MDFIC: variants seen among roughly 807,000 people sequenced by gnomAD.
The protein encoded by MDFIC is MyoD family inhibitor domain containing.
Under a neutral mutation model 23.2 loss-of-function variants are expected in MDFIC, and 17 were observed. The observed-to-expected ratio is 0.73, with a 90% CI of 0.50 to 1.10. The LOEUF (loss-of-function observed/expected upper bound fraction) is 1.10. Among genes scored for constraint, MDFIC ranks in the 50% least tolerant of loss-of-function variants. The probability of loss-of-function intolerance (pLI) is 0.00; values close to 1 mark genes in which losing one functional copy is unlikely to be tolerated. For synonymous variants in MDFIC, 120 were observed against 115.2 expected (o/e 1.04, Z -0.27); for missense variants, 356 against 316.6 (o/e 1.12, Z -0.95).
At chr7:114,955,387 C>G (rs994792900) in intron 3 of MDFIC, among the ~76,000 whole-genome samples, 2 of 152,216 alleles carry the variant, frequency 1.3e-5, no homozygotes, top group South Asian at 2.1e-4. Context: ...CTCTCCACGT[C>G]TCCCGCCCAA....
chr7:114,922,760 C>A, intron 1 of MDFIC, 124 bp downstream of exon 1: 1 of 1,264,578 alleles, frequency 7.9e-7, no homozygotes, highest in Non-Finnish European at 1.0e-6. Flanking sequence ...TGGGACCCCG[C>A]CGCTGTCAAC....
Position 115,016,297 on chromosome 7 carries a change from A to G in MDFIC, c.*362A>G. On this transcript the variant is annotated 3_prime_UTR_variant, in exon 5 of 5. Transcript: ENST00000393486. ...ATATTATTTTTCAGTGTGTATTTAA[A>G]CGAGGCAGTTTATTTTGATATGTAT... is the stretch of plus-strand genomic sequence containing the variant. The G allele has an allele frequency of 4.4e-6, 1 of 228,020 alleles. No homozygotes were observed. The highest frequency in any genetic ancestry group is 8.7e-6 in the Non-Finnish European group (1 of 114,578). The allele number at this position is 228,020 out of a possible 1,614,324, so 14.1% of individuals were successfully genotyped here. A position where few individuals can be genotyped will look rare whatever the true frequency, so the allele number is the denominator to read the frequency against.
intron 3 of MDFIC, among the ~76,000 whole-genome samples, chr7:114,979,006 GA>G (rs1793368407): frequency 6.6e-6 from 1 of 152,012 alleles, no homozygotes; most frequent in South Asian, 2.1e-4. Flanking sequence ...TTCACAATGG[GA>G]TTTTTTTTAA....
At position 114,960,507 on chromosome 7, in the gene MDFIC, A is replaced by G. The variant is rs541628557; in HGVS notation, c.217+18110A>G. On this transcript the variant is annotated intron_variant, in intron 3 of 4. Coordinates refer to ENST00000393486, the MANE Select transcript of MDFIC (RefSeq NM_001166345.3). ...TTAAAAAACCCCGCAAACACATATC[A>G]AAAGGGATTTCTACATATGAGGAAA... Among the ~76,000 whole-genome samples the G allele has an allele frequency of 5.9e-5, 9 of 152,266 alleles. No individual in the cohort carries two copies. The South Asian group carries it at 1.9e-3, about 32-fold the overall frequency.
At chr7:114,966,978 T>A (rs1025672490) in intron 3 of MDFIC, among the ~76,000 whole-genome samples, 6 of 152,152 alleles carry the variant, frequency 3.9e-5, no homozygotes, top group African/African-American at 1.4e-4. Context: ...GGATTTTTTT[T>A]TAAAAAAATA....
chr7:114,966,405 C>A (rs866892021), intron 3 of MDFIC, among the ~76,000 whole-genome samples: 774 of 120,450 alleles, frequency 6.4e-3, no homozygotes, highest in Non-Finnish European at 7.0e-3. Flanking sequence ...GTCAGGAAAC[C>A]AAAAAAAAAA....
intron 4 of MDFIC, among the ~76,000 whole-genome samples, chr7:114,991,406 A>G (rs1202446260): frequency 6.6e-6 from 1 of 152,118 alleles, no homozygotes; most frequent in East Asian, 1.9e-4. Flanking sequence ...TTGGTGTTTT[A>G]GACATGAAGT....
chr7:114,981,899 T>C (rs1385014173), intron 4 of MDFIC, among the ~76,000 whole-genome samples: 6 of 152,146 alleles, frequency 3.9e-5, no homozygotes, highest in African/African-American at 1.2e-4. Context: ...TGTACTGTAA[T>C]AAAAACCAAA....
chr7:115,018,954 A>G lies in MDFIC; in HGVS notation c.*3019A>G, dbSNP rs1791850503. ...TATCGATCAGTTTATGATCATTGACATGTGATTTCAAAACACAGTGTTCTT... is the reference window on the plus strand; with the variant it reads ...TATCGATCAGTTTATGATCATTGACGTGTGATTTCAAAACACAGTGTTCTT... On this transcript the variant is annotated 3_prime_UTR_variant, in exon 5 of 5. Coordinates refer to ENST00000393486, the MANE Select transcript of MDFIC (RefSeq NM_001166345.3). The G allele has an allele frequency of 6.6e-6, 1 of 151,974 alleles. No homozygotes were observed. The highest frequency in any genetic ancestry group is 1.5e-5 in the Non-Finnish European group (1 of 67,896). 9.4% of individuals were successfully genotyped at this position (151,974 alleles called of 1,614,324 possible).
At chr7:115,011,545 A>T (rs940654084) in intron 4 of MDFIC, among the ~76,000 whole-genome samples, 4 of 152,210 alleles carry the variant, frequency 2.6e-5, no homozygotes, top group African/African-American at 9.6e-5. Context: ...GGAGTGTTGG[A>T]TCTATTTAGA....
chr7:114,930,359 GTGTTT>G (rs1792285408), intron 2 of MDFIC, among the ~76,000 whole-genome samples: 1 of 152,230 alleles, frequency 6.6e-6, no homozygotes, highest in Non-Finnish European at 1.5e-5. Flanking sequence ...TGTGTGGGAA[GTGTTT>G]ATGTTAACCG....
In MDFIC at chr7:115,018,990, A is replaced by G. The variant is rs986129214; in HGVS notation, c.*3055A>G. Reference sequence around the variant, plus strand: ...AAACACAGTGTTCTTTTAAAAATCTATAATATGTCAAAATACAAGTTTTTT... The same window carrying G: ...AAACACAGTGTTCTTTTAAAAATCTGTAATATGTCAAAATACAAGTTTTTT... On this transcript the variant is annotated 3_prime_UTR_variant, in exon 5 of 5. Coordinates refer to ENST00000393486, the MANE Select transcript of MDFIC (RefSeq NM_001166345.3). The G allele has an allele frequency of 6.6e-6, 1 of 150,982 alleles. No individual in the cohort carries two copies. The highest frequency in any genetic ancestry group is 2.4e-5 in the African/African-American group (1 of 41,408). The allele number at this position is 150,982 out of a possible 1,614,324, so 9.4% of individuals were successfully genotyped here.
chr7:114,983,603 T>C (rs1175935863), intron 4 of MDFIC, among the ~76,000 whole-genome samples: 1 of 141,684 alleles, frequency 7.1e-6, no homozygotes, highest in Non-Finnish European at 1.5e-5. Flanking sequence ...TGTCTCACTC[T>C]GTTGCCCAGG....
intron 3 of MDFIC, among the ~76,000 whole-genome samples, chr7:114,973,209 G>A (rs1554474420): frequency 6.6e-6 from 1 of 151,792 alleles, no homozygotes; most frequent in Non-Finnish European, 1.5e-5. Flanking sequence ...TAGAGTCTCA[G>A]CATTAATTCT....
intron 3 of MDFIC, among the ~76,000 whole-genome samples, chr7:114,942,707 A>G (rs1349930348): frequency 6.6e-6 from 1 of 152,208 alleles, no homozygotes; most frequent in Non-Finnish European, 1.5e-5. Flanking sequence ...GTATATGTGG[A>G]TGGAGAAACT....
Position 115,015,847 on chromosome 7 carries a change from T to C in MDFIC, c.653T>C (p.Met218Thr), listed in dbSNP as rs1271315653. 2 of 1,614,218 alleles carry C rather than the reference T, an allele frequency of 1.2e-6. No homozygotes were observed. Among genetic ancestry groups the C allele is most frequent in the Non-Finnish European group, 1.7e-6 (2 of 1,180,034 alleles). ...MGDDCNCPCD[M>T]DCGIMDACCE... ...GATGATTGTAACTGCCCTTGTGATA[T>C]GGACTGTGGCATCATGGATGCCTGT... is the stretch of plus-strand genomic sequence containing the variant. The change falls in exon 5 of 5, where the codon ATG becomes ACG. Residue 218 changes from methionine (M) to threonine (T), a missense_variant. By Grantham distance (81) the Met-to-Thr change is moderately conservative. Transcript: ENST00000393486.
At chr7:115,011,261 G>A (rs117013665) in intron 4 of MDFIC, among the ~76,000 whole-genome samples, 3,414 of 152,148 alleles carry the variant, frequency 0.022, 54 homozygotes, top group South Asian at 0.058. Flanking sequence ...CATAATACCG[G>A]TATGACTTCT....
chr7:114,952,976 TTAA>T (rs1364005155), intron 3 of MDFIC, among the ~76,000 whole-genome samples: 4 of 152,244 alleles, frequency 2.6e-5, no homozygotes, highest in Non-Finnish European at 2.9e-5. Context: ...GGTGTGATTA[TTAA>T]TAATTACCAT....
intron 2 of MDFIC, among the ~76,000 whole-genome samples, chr7:114,932,017 G>C (rs1221067798): frequency 1.3e-5 from 2 of 151,988 alleles, no homozygotes; most frequent in Non-Finnish European, 2.9e-5. Flanking sequence ...GCTGCTTTTG[G>C]GTTTCTATAA....
Sources: gnomAD v4.1 joint callset for allele counts (sites outside exome capture counted in the v4.1 genomes callset) on GRCh38, gnomAD v4.1.1 for gene constraint, MANE v1.5 for transcripts, NCBI Gene and HGNC (gene_info 2026-07-23, HGNC 2026-07-21) for gene names.